DZIP3: variants seen among roughly 807,000 people sequenced by gnomAD.
DZIP3 encodes the protein E3 ubiquitin-protein ligase DZIP3.
A neutral mutation model predicts 162.0 loss-of-function variants in DZIP3; 118 were observed. The ratio of observed to expected loss-of-function variants is 0.73; its 90% confidence interval spans 0.63 to 0.85. The LOEUF is 0.85. Among genes scored for constraint, DZIP3 ranks in the 40% least tolerant of loss-of-function variants. The pLI, the probability that DZIP3 is intolerant of heterozygous loss-of-function variation, is 0.00. For missense variants in DZIP3, 1,331 were observed against 1,407.0 expected, an observed-to-expected ratio of 0.95 and a Z score of 0.86; for synonymous variants, 438 against 458.6, an observed-to-expected ratio of 0.96 and a Z score of 0.57.
At chr3:108,655,481 T>TA (rs1424973090) in intron 19 of DZIP3, among the ~76,000 whole-genome samples, 2 of 152,034 alleles carry the variant, frequency 1.3e-5, no homozygotes, top group Non-Finnish European at 2.9e-5. Flanking sequence ...GCGTTACCCT[T>TA]ACAAAGAAAA....
Position 108,651,144 on chromosome 3 carries a change from A to G in DZIP3, c.2015A>G (p.Asp672Gly). 1.3e-6 allele frequency: 1 copy of G among 749,726 alleles called. No homozygotes were observed. The highest frequency in any genetic ancestry group is 2.0e-5 in the South Asian group (1 of 50,186). The allele number at this position is 749,726 out of a possible 1,614,324, so 46.4% of individuals were successfully genotyped here. The stretch of plus-strand genomic sequence containing the variant: ...TCTTATGTTATTTTTCAGAATAAAG[A>G]CTCAAAAGAAGACCAAGTGTAAGTA... Reference protein sequence around the residue: ...KKKTKNKKNKDSKEDQVPYVV... With the variant: ...KKKTKNKKNKGSKEDQVPYVV... Residue 672 changes from aspartate (D) to glycine (G), a missense_variant, in exon 18 of 33, where the codon GAC becomes GGC. Physicochemically the swap from Asp to Gly is moderately conservative, Grantham distance 94. This residue lies in a region of DZIP3 where 1,278 missense variants were observed against 1,317.1 expected (regional missense o/e 0.97). Transcript: ENST00000361582.
intron 19 of DZIP3, among the ~76,000 whole-genome samples, chr3:108,659,741 A>G (rs1030795178): frequency 2.6e-5 from 4 of 152,248 alleles, no homozygotes; most frequent in Non-Finnish European, 5.9e-5. Context: ...AGAAAACTCC[A>G]TCATCTCAGC....
intron 4 of DZIP3, among the ~76,000 whole-genome samples, chr3:108,616,301 TAAA>T (rs1941006764): frequency 6.9e-6 from 1 of 145,268 alleles, no homozygotes; most frequent in Non-Finnish European, 1.5e-5. Context: ...AATAAATAAA[TAAA>T]TAAAATAAAA....
intron 19 of DZIP3, among the ~76,000 whole-genome samples, chr3:108,655,032 A>AT (rs1034958535): frequency 6.6e-6 from 1 of 152,112 alleles, no homozygotes; most frequent in Non-Finnish European, 1.5e-5. Flanking sequence ...TTTTCTCCTA[A>AT]TTAGAATATG....
chr3:108,647,919 G>C lies in DZIP3; in HGVS notation c.1793-24G>C, dbSNP rs200094763. On this transcript the variant is annotated intron_variant, in intron 15 of 32. Transcript: ENST00000361582. Reference sequence around the variant, plus strand: ...CTGAAATTGCTTTCATCTAGATTTTGAGAATTTTGTCTTTTATGTTTAGGT... The same window carrying C: ...CTGAAATTGCTTTCATCTAGATTTTCAGAATTTTGTCTTTTATGTTTAGGT... 2.2e-4 allele frequency: 323 copies of C among 1,460,432 alleles called. No homozygotes were observed. The African/African-American group carries it at 4.5e-3, about 20-fold the overall frequency. 90.5% of individuals were successfully genotyped at this position (1,460,432 alleles called of 1,614,324 possible).
intron 11 of DZIP3, 151 bp from the exon 12 acceptor site, chr3:108,637,345 A>G: frequency 4.1e-6 from 3 of 738,202 alleles, no homozygotes; most frequent in Admixed American, 3.3e-5. Flanking sequence ...AGGATTATTT[A>G]TTACTTACCT....
At chr3:108,639,724 T>C (rs1942306799) in intron 12 of DZIP3, among the ~76,000 whole-genome samples, 1 of 152,036 alleles carries the variant, frequency 6.6e-6, no homozygotes, top group Admixed American at 6.6e-5. Flanking sequence ...TTGTTGATCT[T>C]TTCAAAGAAT....
intron 19 of DZIP3, among the ~76,000 whole-genome samples, chr3:108,656,247 T>A (rs1001273024): frequency 2.0e-5 from 3 of 152,064 alleles, no homozygotes; most frequent in Non-Finnish European, 4.4e-5. Context: ...CATCCCCCAG[T>A]AGGGGCAGAC....
chr3:108,610,279 T>C (rs1229640867), intron 3 of DZIP3, among the ~76,000 whole-genome samples: 1 of 152,242 alleles, frequency 6.6e-6, no homozygotes, highest in Non-Finnish European at 1.5e-5. Context: ...GGATACCGAA[T>C]ACCATGGTTA....
At chr3:108,604,779 C>T (rs1438505780) in intron 1 of DZIP3, among the ~76,000 whole-genome samples, 4 of 152,252 alleles carry the variant, frequency 2.6e-5, no homozygotes, top group Non-Finnish European at 5.9e-5. Context: ...CTCATATATA[C>T]CTCATGGGAA....
At chr3:108,666,699 C>T (rs944826748) in intron 21 of DZIP3, among the ~76,000 whole-genome samples, 3 of 152,080 alleles carry the variant, frequency 2.0e-5, no homozygotes, top group Admixed American at 1.3e-4. Context: ...AGCATGTTCT[C>T]AGGTCACAAT....
Position 108,636,588 on chromosome 3 carries a change from T to A in DZIP3, c.919-28T>A, listed in dbSNP as rs778314842. Reference sequence around the variant, plus strand: ...TTGCACATCAGTGATTTTTTTCTATTTTTATTTTTTTCTATTAATAAATTT... The same window carrying A: ...TTGCACATCAGTGATTTTTTTCTATATTTATTTTTTTCTATTAATAAATTT... On this transcript the variant is annotated intron_variant, in intron 10 of 32. Coordinates refer to ENST00000361582, the MANE Select transcript of DZIP3 (RefSeq NM_014648.4). The A allele has an allele frequency of 3.5e-6, 5 of 1,433,118 alleles. No homozygotes were observed. The African/African-American group carries it at 5.9e-5, about 17-fold the overall frequency. The allele number at this position is 1,433,118 out of a possible 1,614,324, so 88.8% of individuals were successfully genotyped here.
At chr3:108,591,828 T>C (rs1377096506) in intron 1 of DZIP3, among the ~76,000 whole-genome samples, 1 of 151,908 alleles carries the variant, frequency 6.6e-6, no homozygotes, top group African/African-American at 2.4e-5. Context: ...AAACGCCATC[T>C]CTACAAAAAA....
rs1006307574 is a variant in DZIP3, at chr3:108,688,608, G to A, written c.3286G>A (p.Val1096Met). 22 of 1,611,334 alleles carry A rather than the reference G, an allele frequency of 1.4e-5. No individual in the cohort carries two copies. Among genetic ancestry groups the A allele is most frequent in the Non-Finnish European group, 1.9e-5 (22 of 1,179,374 alleles). ...TTATTTTCAGAGTCAAGGAAAATCA[G>A]TGTCAAATGTTAATTGTGTTTCACC... ...PKKSQSQGKSVSNVNCVSPSH... is the reference protein window; with the variant it reads ...PKKSQSQGKSMSNVNCVSPSH... The change falls in exon 30 of 33, where the codon GTG becomes ATG. Residue 1096 changes from valine (V) to methionine (M), a missense_variant. Physicochemically the swap from Val to Met is conservative, Grantham distance 21 (BLOSUM62 1). Transcript: ENST00000361582.
intron 1 of DZIP3, among the ~76,000 whole-genome samples, chr3:108,596,437 T>A (rs9839211): frequency 0.85 from 128,668 of 151,770 alleles, 54,957 homozygotes; most frequent in East Asian, 1. Flanking sequence ...TAGAAAAGAC[T>A]TTTTAGGACT....
At chr3:108,594,925 A>G (rs181109297) in intron 1 of DZIP3, among the ~76,000 whole-genome samples, 22 of 152,338 alleles carry the variant, frequency 1.4e-4, no homozygotes, top group Admixed American at 3.3e-4. Flanking sequence ...GACAGTAGCT[A>G]AAGTAAACAT....
In DZIP3 at chr3:108,664,035, C is replaced by G. The variant is rs553690215; in HGVS notation, c.2423+1778C>G. Among the ~76,000 whole-genome samples, 5 of 152,082 alleles carry G rather than the reference C, an allele frequency of 3.3e-5. No individual in the cohort carries two copies. The South Asian group carries it at 6.2e-4, about 19-fold the overall frequency. The stretch of plus-strand genomic sequence containing the variant: ...CTGTTTCTTCTTGAAACTTAAGCAC[C>G]CTGGATATAGCACAACAGACAAGCA... On this transcript the variant is annotated intron_variant, in intron 21 of 32. Transcript: ENST00000361582.
chr3:108,642,541 T>C (rs1366029217), intron 13 of DZIP3, 27 bp downstream of exon 13: 3 of 1,422,602 alleles, frequency 2.1e-6, no homozygotes, highest in South Asian at 1.3e-5. Context: ...ATATGCCTTC[T>C]GTTGAAAAGT....
At chr3:108,592,777 T>A (rs945242752) in intron 1 of DZIP3, among the ~76,000 whole-genome samples, 7 of 152,130 alleles carry the variant, frequency 4.6e-5, no homozygotes, top group African/African-American at 1.7e-4. Flanking sequence ...TTTGTCATAC[T>A]GTCTTGTTCC....
Sources: allele counts gnomAD v4.1 joint callset (sites outside exome capture counted in the v4.1 genomes callset), GRCh38; gene constraint gnomAD v4.1.1; regional missense constraint gnomAD v4.1.1; transcripts MANE v1.5; gene names NCBI Gene and HGNC (gene_info 2026-07-23, HGNC 2026-07-21).